The following STIM2 variants were observed in gnomAD, a reference collection of about 807,000 sequenced individuals.
STIM2 encodes stromal interaction molecule 2.
STIM2 carries 31 observed loss-of-function variants against 85.8 expected under a neutral mutation model. The ratio of observed to expected loss-of-function variants is 0.36; its 90% confidence interval spans 0.27 to 0.49. The LOEUF is 0.49. Ranked by LOEUF, STIM2 falls within the 20% of genes least tolerant of loss-of-function variation. STIM2 has a pLI of 0.98. For synonymous variants in STIM2, 356 were observed against 331.1 expected (o/e 1.08, Z -0.82); for missense variants, 841 against 927.6 (o/e 0.91, Z 1.21).
intron 2 of STIM2, among the ~76,000 whole-genome samples, chr4:26,948,993 GAC>G (rs1725948265): frequency 2.0e-5 from 3 of 152,098 alleles, no homozygotes; most frequent in African/African-American, 7.2e-5. Flanking sequence ...CTAGTGAATT[GAC>G]ACAGTACATA....
At chr4:26,980,940 C>T (rs1727363490) in intron 3 of STIM2, among the ~76,000 whole-genome samples, 1 of 152,090 alleles carries the variant, frequency 6.6e-6, no homozygotes, top group Non-Finnish European at 1.5e-5. Flanking sequence ...ATAAGGAGCC[C>T]TTCCTTACTT....
At position 26,919,512 on chromosome 4, in the gene STIM2, A is replaced by G; in HGVS notation, c.160A>G (p.Met54Val). Residue 54 changes from methionine (M) to valine (V), a missense_variant, in exon 2 of 12, where the codon ATG becomes GTG. Met to Val is a conservative substitution (Grantham distance 21). Transcript: ENST00000467087. ...CCTTTGTTCTCTTTCAGATCCCTGCATGTCACTGAGTCCACCATGCTTTAC... is the reference window on the plus strand; with the variant it reads ...CCTTTGTTCTCTTTCAGATCCCTGCGTGTCACTGAGTCCACCATGCTTTAC... 6.2e-7 allele frequency: 1 copy of G among 1,613,540 alleles called. No homozygotes were observed. The highest frequency in any genetic ancestry group is 8.5e-7 in the Non-Finnish European group (1 of 1,179,688).
intron 2 of STIM2, among the ~76,000 whole-genome samples, chr4:26,928,766 T>C (rs764569883): frequency 2.6e-5 from 4 of 152,336 alleles, no homozygotes; most frequent in Admixed American, 6.5e-5. Flanking sequence ...GGAAATCTTA[T>C]TGAGTCTTTT....
chr4:26,930,799 G>T (rs1725180944), intron 2 of STIM2, among the ~76,000 whole-genome samples: 1 of 152,136 alleles, frequency 6.6e-6, no homozygotes, highest in Non-Finnish European at 1.5e-5. Flanking sequence ...ATTTTTTGCT[G>T]AAGTTTTCTA....
At chr4:26,939,930 C>T (rs561198308) in intron 2 of STIM2, among the ~76,000 whole-genome samples, 4 of 152,144 alleles carry the variant, frequency 2.6e-5, no homozygotes, top group Non-Finnish European at 5.9e-5. Context: ...AGGCATGTTA[C>T]GGCAAACGAT....
chr4:26,894,544 T>A (rs183808571), intron 1 of STIM2, among the ~76,000 whole-genome samples: 1 of 152,192 alleles, frequency 6.6e-6, no homozygotes, highest in Non-Finnish European at 1.5e-5. Context: ...CACCATTTTT[T>A]TTTTTTTAAC....
At position 27,007,642 on chromosome 4, in the gene STIM2, A is replaced by T. The variant is rs1313575558; in HGVS notation, c.1091A>T (p.Gln364Leu). ...CAGTTAACACATGAAGTAGAAGTGCAATACTACAATATTAAAAGACAAAAC... is the reference window on the plus strand; with the variant it reads ...CAGTTAACACATGAAGTAGAAGTGCTATACTACAATATTAAAAGACAAAAC... The change falls in exon 8 of 12, where the codon CAA becomes CTA. Residue 364 changes from glutamine to leucine, a missense_variant. Physicochemically the swap from Gln to Leu is moderately radical, Grantham distance 113 (BLOSUM62 -2). Transcript: ENST00000467087. 1.2e-6 allele frequency: 2 copies of T among 1,606,048 alleles called. No individual in the cohort carries two copies. The highest frequency in any genetic ancestry group is 1.7e-6 in the Non-Finnish European group (2 of 1,176,880).
At chr4:26,977,903 G>T (rs1727253816) in intron 3 of STIM2, among the ~76,000 whole-genome samples, 1 of 152,090 alleles carries the variant, frequency 6.6e-6, no homozygotes, top group South Asian at 2.1e-4. Context: ...GATAGGAGGA[G>T]AGCCAGGAGA....
At chr4:26,890,740 C>G (rs993593158) in intron 1 of STIM2, among the ~76,000 whole-genome samples, 1 of 148,062 alleles carries the variant, frequency 6.8e-6, no homozygotes, top group Non-Finnish European at 1.5e-5. Flanking sequence ...AGGAGAATGG[C>G]GTGAACCCGG....
intron 2 of STIM2, among the ~76,000 whole-genome samples, chr4:26,936,442 A>T (rs527525389): frequency 5.9e-5 from 9 of 152,262 alleles, no homozygotes; most frequent in Middle Eastern, 3.4e-3. Context: ...CTCTTATTCT[A>T]CTGTTTCTTA....
chr4:26,883,004 AT>A (rs140871540), intron 1 of STIM2, among the ~76,000 whole-genome samples: 221 of 139,232 alleles, frequency 1.6e-3, no homozygotes, highest in Middle Eastern at 3.8e-3. Context: ...TACCTGGCTA[AT>A]TTTTTTTTTT....
intron 1 of STIM2, among the ~76,000 whole-genome samples, chr4:26,892,402 A>T (rs1723527128): frequency 6.6e-6 from 1 of 152,090 alleles, no homozygotes; most frequent in Non-Finnish European, 1.5e-5. Context: ...AGAGCGAGTG[A>T]GCTCCTGTTT....
intron 2 of STIM2, among the ~76,000 whole-genome samples, chr4:26,942,989 A>G (rs1056935032): frequency 2.6e-5 from 4 of 152,116 alleles, no homozygotes; most frequent in African/African-American, 7.2e-5. Context: ...TGCTTGACTC[A>G]AATCTCTTCT....
intron 4 of STIM2, among the ~76,000 whole-genome samples, chr4:26,996,070 C>T (rs1019197197): frequency 1.3e-5 from 2 of 152,062 alleles, no homozygotes; most frequent in Admixed American, 6.5e-5. Context: ...AAGTCAGAGA[C>T]AAGTTAAACA....
rs114681603 is a variant in STIM2 at position 27,007,029 on chromosome 4, G to A, written c.982-504G>A. ...TTTAAAAAGTGAGTATATAGTGAAG[G>A]AGCTACAGTAGGCTCTTCTGGAAAC... On this transcript the variant is annotated intron_variant, in intron 7 of 11. Transcript: ENST00000467087. Among the ~76,000 whole-genome samples the A allele has an allele frequency of 4.2e-3, 636 of 152,298 alleles. 6 individuals carry two copies. Among genetic ancestry groups the A allele is most frequent in the African/African-American group, 0.015 (603 of 41,566 alleles).
chr4:26,999,470 A>G (rs934446331), intron 5 of STIM2, 123 bp downstream of exon 5: 1 of 412,440 alleles, frequency 2.4e-6, no homozygotes, highest in Non-Finnish European at 4.2e-6. Flanking sequence ...TACCTGTGAA[A>G]GAAGTGTAAT....
intron 1 of STIM2, among the ~76,000 whole-genome samples, chr4:26,862,014 AG>A (rs1371763232): frequency 6.6e-6 from 1 of 152,132 alleles, no homozygotes; most frequent in East Asian, 1.9e-4. Context: ...TGGGTGACAA[AG>A]GGTGTAGAAA....
intron 7 of STIM2, among the ~76,000 whole-genome samples, chr4:27,006,178 T>G (rs765014477): frequency 2.6e-5 from 4 of 152,212 alleles, no homozygotes; most frequent in Non-Finnish European, 4.4e-5. Context: ...TTCCCCTTAC[T>G]TTAATGTGTC....
At chr4:26,894,525 C>T (rs1723620095) in intron 1 of STIM2, among the ~76,000 whole-genome samples, 1 of 151,480 alleles carries the variant, frequency 6.6e-6, no homozygotes, top group East Asian at 1.9e-4. Flanking sequence ...GATGTTCAGC[C>T]AATTGCAGCA....
Sources: gnomAD v4.1 joint callset for allele counts (sites outside exome capture counted in the v4.1 genomes callset) on GRCh38, gnomAD v4.1.1 for gene constraint, MANE v1.5 for transcripts, NCBI Gene and HGNC (gene_info 2026-07-23, HGNC 2026-07-21) for gene names.